Variants in NETO1 observed in about 807,000 individuals in gnomAD.
NETO1 encodes the protein neuropilin and tolloid like 1.
In NETO1, 26 loss-of-function variants were observed where a neutral mutation model predicts 61.3. The observed-to-expected ratio is 0.42, with a 90% CI of 0.31 to 0.59. The LOEUF is 0.59. NETO1 is among the 20% of genes least tolerant of loss of function. The pLI, the probability that NETO1 is intolerant of heterozygous loss-of-function variation, is 0.12. For synonymous variants in NETO1, 225 were observed against 225.8 expected (o/e 1.00, Z 0.03); for missense variants, 531 against 662.8 (o/e 0.80, Z 2.18).
Position 72,847,663 on chromosome 18 carries a change from C to T in NETO1, c.469+11163G>A, listed in dbSNP as rs560674953. On this transcript the variant is annotated intron_variant, in intron 4 of 10. Coordinates refer to ENST00000327305, the MANE Select transcript of NETO1 (RefSeq NM_138966.5). Reference sequence around the variant, plus strand: ...TAAAAAGATATACACATACAGTTATCTAGATATAGATTTTTAATCTAAGTG... The same window carrying T: ...TAAAAAGATATACACATACAGTTATTTAGATATAGATTTTTAATCTAAGTG... Among the ~76,000 whole-genome samples, 125 of 152,270 alleles carry T rather than the reference C, an allele frequency of 8.2e-4. 1 individual carries two copies. The South Asian group carries it at 0.023, about 28-fold the overall frequency.
intron 6 of NETO1, among the ~76,000 whole-genome samples, chr18:72,785,504 A>G (rs956037493): frequency 3.1e-4 from 47 of 152,198 alleles, no homozygotes; most frequent in African/African-American, 1.1e-3. Context: ...TACTCCAGCC[A>G]AAGTTATATT....
chr18:72,863,630 G>C (rs1200195475), intron 3 of NETO1, among the ~76,000 whole-genome samples: 7 of 151,996 alleles, frequency 4.6e-5, no homozygotes, highest in Non-Finnish European at 8.8e-5. Flanking sequence ...AGTAAGGGTG[G>C]GGGAAGATCT....
At chr18:72,849,620 T>C (rs937349737) in intron 4 of NETO1, among the ~76,000 whole-genome samples, 6 of 152,252 alleles carry the variant, frequency 3.9e-5, no homozygotes, top group Non-Finnish European at 8.8e-5. Flanking sequence ...ATTTATTTAT[T>C]TTACTGTAGC....
chr18:72,856,956 A>C (rs1390920546), intron 4 of NETO1, among the ~76,000 whole-genome samples: 1 of 152,236 alleles, frequency 6.6e-6, no homozygotes, highest in Non-Finnish European at 1.5e-5. Flanking sequence ...AATTATTACT[A>C]ATCCCTTCCC....
rs116449753 is a variant in NETO1 at position 72,863,178 on chromosome 18, G to A, written c.220+1630C>T. On this transcript the variant is annotated intron_variant, in intron 3 of 10. Transcript: ENST00000327305. ...GAAGGAATACCAGGTACCTCTTTGA[G>A]ACTGCTTCCCTCTTCAGCCTCCTGC... Among the ~76,000 whole-genome samples, 482 of 152,298 alleles carry A rather than the reference G, an allele frequency of 3.2e-3. 1 individual carries two copies. The highest frequency in any genetic ancestry group is 9.6e-3 in the African/African-American group (400 of 41,564).
At chr18:72,842,952 G>A (rs181481617) in intron 4 of NETO1, among the ~76,000 whole-genome samples, 261 of 152,050 alleles carry the variant, frequency 1.7e-3, no homozygotes, top group African/African-American at 5.5e-3. Flanking sequence ...TTCTTATAAC[G>A]GCATTTTTAG....
chr18:72,780,275 A>G (rs765086156), intron 7 of NETO1, among the ~76,000 whole-genome samples: 1 of 152,194 alleles, frequency 6.6e-6, no homozygotes, highest in Non-Finnish European at 1.5e-5. Context: ...GAAAGAACAT[A>G]TTGGGATGGG....
chr18:72,867,400 C>A lies in NETO1; in HGVS notation c.-109G>T. 1.3e-6 allele frequency: 1 copy of A among 790,490 alleles called. No individual in the cohort carries two copies. The highest frequency in any genetic ancestry group is 2.8e-5 in the South Asian group (1 of 36,244). 49.0% of individuals were successfully genotyped at this position (790,490 alleles called of 1,614,324 possible). A position where few individuals can be genotyped will look rare whatever the true frequency, so the allele number is the denominator to read the frequency against. ...GTCGAGAGGTGTTAAAGACGCAAAG[C>A]AAGAAGGAAATAAAGGGGGGCCGAG... On this transcript the variant is annotated 5_prime_UTR_variant, in exon 1 of 11. Transcript: ENST00000327305.
In NETO1 at chr18:72,783,720, G is replaced by A. The variant is rs1051379392; in HGVS notation, c.826C>T (p.Arg276Ter). ...VIRMWADEGS[R>*]NSRFQMLFTS... ...AAGAGCATCTGAAATCGGCTGTTTC[G>A]ACTGCCCTCATCTGCCCACATGCGG... The change falls in exon 7 of 11, where the codon CGA becomes TGA. Residue 276 changes from arginine to a stop codon, truncating the protein, a stop_gained. Coordinates refer to ENST00000327305, the MANE Select transcript of NETO1 (RefSeq NM_138966.5). LOFTEE classifies it high-confidence loss of function. 2 of 1,614,046 alleles carry A rather than the reference G, an allele frequency of 1.2e-6. No homozygotes were observed. Among genetic ancestry groups the A allele is most frequent in the Non-Finnish European group, 1.7e-6 (2 of 1,180,004 alleles).
In NETO1 at chr18:72,867,640, C is replaced by G. The variant is rs994222225; in HGVS notation, c.-349G>C. On this transcript the variant is annotated 5_prime_UTR_variant, in exon 1 of 11. Transcript: ENST00000327305. ...CCCTCCTCCCGGGCATCGTCGCCGC[C>G]GCGGGGTCGGGAGGACGCGGCGCGC... 8.3e-5 allele frequency: 14 copies of G among 168,560 alleles called. No homozygotes were observed. The highest frequency in any genetic ancestry group is 1.3e-5 in the Non-Finnish European group (1 of 79,332). 10.4% of individuals were successfully genotyped at this position (168,560 alleles called of 1,614,324 possible).
chr18:72,777,684 A>C (rs1482713579), intron 7 of NETO1, among the ~76,000 whole-genome samples: 1 of 152,148 alleles, frequency 6.6e-6, no homozygotes, highest in Admixed American at 6.5e-5. Context: ...CGGAGCTCGC[A>C]GTGAGCTGAG....
chr18:72,757,214 T>A (rs2070812124), intron 7 of NETO1, among the ~76,000 whole-genome samples: 1 of 152,204 alleles, frequency 6.6e-6, no homozygotes, highest in Non-Finnish European at 1.5e-5. Flanking sequence ...TGATCAGTAC[T>A]ATTTAGACAC....
chr18:72,800,687 C>A lies in NETO1; in HGVS notation c.470-6283G>T, dbSNP rs546242230. ...ATGGAAAAATTGTCTTCCACAAAACCGGTCCCTGGTGCTAAAAATGTGCTA... is the reference window on the plus strand; with the variant it reads ...ATGGAAAAATTGTCTTCCACAAAACAGGTCCCTGGTGCTAAAAATGTGCTA... On this transcript the variant is annotated intron_variant, in intron 4 of 10. Coordinates refer to ENST00000327305, the MANE Select transcript of NETO1 (RefSeq NM_138966.5). 2.0e-5 allele frequency among the ~76,000 whole-genome samples: 3 copies of A among 152,236 alleles called. No homozygotes were observed. In the East Asian group the frequency reaches 5.8e-4, roughly 29 times the overall value.
chr18:72,798,692 C>CA (rs1409439000), intron 4 of NETO1, among the ~76,000 whole-genome samples: 1 of 152,064 alleles, frequency 6.6e-6, no homozygotes, highest in Non-Finnish European at 1.5e-5. Flanking sequence ...TAAGCCTAGC[C>CA]AAAATGAGTA....
intron 4 of NETO1, among the ~76,000 whole-genome samples, chr18:72,844,283 C>T (rs146932960): frequency 5.8e-4 from 89 of 152,208 alleles, no homozygotes; most frequent in African/African-American, 2.1e-3. Context: ...TGTAAGATTG[C>T]TTCTAACACT....
intron 7 of NETO1, among the ~76,000 whole-genome samples, chr18:72,756,886 T>C (rs1437835603): frequency 6.6e-6 from 1 of 152,098 alleles, no homozygotes; most frequent in African/African-American, 2.4e-5. Flanking sequence ...ATGAGTTTAA[T>C]ATAGCAATGT....
At chr18:72,784,283 CT>C (rs1386021593) in intron 6 of NETO1, among the ~76,000 whole-genome samples, 1 of 152,024 alleles carries the variant, frequency 6.6e-6, no homozygotes, top group Non-Finnish European at 1.5e-5. Context: ...CGATGGCTTC[CT>C]TTTACTTCCA....
At chr18:72,837,497 G>C (rs539559296) in intron 4 of NETO1, among the ~76,000 whole-genome samples, 70 of 152,176 alleles carry the variant, frequency 4.6e-4, no homozygotes, top group Non-Finnish European at 8.8e-4. Context: ...CTGCACAGAA[G>C]TTAACAGCAA....
chr18:72,770,576 A>G (rs1340193529), intron 7 of NETO1, among the ~76,000 whole-genome samples: 1 of 152,100 alleles, frequency 6.6e-6, no homozygotes, highest in Non-Finnish European at 1.5e-5. Flanking sequence ...AATATTTCCT[A>G]TATTAGTAAA....
Sources: allele counts gnomAD v4.1 joint callset (sites outside exome capture counted in the v4.1 genomes callset), GRCh38; gene constraint gnomAD v4.1.1; transcripts MANE v1.5; gene names NCBI Gene and HGNC (gene_info 2026-07-23, HGNC 2026-07-21).